Variants in SRD5A1 observed in about 807,000 individuals in gnomAD.
The protein encoded by SRD5A1 is steroid 5 alpha-reductase 1.
SRD5A1 carries 22 observed loss-of-function variants against 28.2 expected under a neutral mutation model. The ratio of observed to expected loss-of-function variants is 0.78; its 90% CI spans 0.56 to 1.12. The LOEUF (loss-of-function observed/expected upper bound fraction) is 1.12, where lower values mean the gene tolerates loss of function less well. SRD5A1 is among the 50% of genes most tolerant of loss of function. The pLI is 0.00. For missense variants in SRD5A1, 300 were observed against 346.7 expected, an observed-to-expected ratio of 0.87 and a Z score of 1.07; for synonymous variants, 151 against 135.0, an observed-to-expected ratio of 1.12 and a Z score of -0.82.
At chr5:6,659,068 G>A (rs1053860169) in intron 3 of SRD5A1, among the ~76,000 whole-genome samples, 5 of 150,738 alleles carry the variant, frequency 3.3e-5, no homozygotes, top group East Asian at 2.0e-4. Flanking sequence ...AGTGAGCCTC[G>A]ATCATACCAC....
At chr5:6,655,134 C>T (rs568509) in intron 2 of SRD5A1, among the ~76,000 whole-genome samples, 1 of 152,110 alleles carries the variant, frequency 6.6e-6, no homozygotes, top group East Asian at 1.9e-4. Flanking sequence ...AAAAAGTATT[C>T]AATGTCACTG....
intron 1 of SRD5A1, among the ~76,000 whole-genome samples, chr5:6,644,471 C>T (rs8192176): frequency 1.3e-5 from 2 of 152,190 alleles, no homozygotes; most frequent in African/African-American, 2.4e-5. Flanking sequence ...GGCCGTAACT[C>T]TCAGGGAAGT....
Position 6,674,066 on chromosome 5 carries a change from TGAA to T in SRD5A1, c.*5802_*5804del, listed in dbSNP as rs370688335. The T allele has an allele frequency of 2.2e-3, 340 of 151,992 alleles. 2 individuals carry two copies. Among genetic ancestry groups the T allele is most frequent in the African/African-American group, 7.6e-3 (316 of 41,454 alleles). The allele number at this position is 151,992 out of a possible 1,614,324, so 9.4% of individuals were successfully genotyped here. ...TTCAAAACACATAGAATATACAACA[TGAA>T]GAATGAATGCTAATGTAAACTCTGG... On this transcript the variant is annotated 3_prime_UTR_variant, in exon 5 of 5. Transcript: ENST00000274192.
At chr5:6,651,519 G>A (rs966306245) in intron 1 of SRD5A1, among the ~76,000 whole-genome samples, 7 of 152,000 alleles carry the variant, frequency 4.6e-5, no homozygotes, top group Non-Finnish European at 7.4e-5. Context: ...ATAATAATAA[G>A]TGTGGTGGCA....
chr5:6,661,845 A>T (rs964128700), intron 3 of SRD5A1, among the ~76,000 whole-genome samples: 31 of 151,912 alleles, frequency 2.0e-4, no homozygotes, highest in African/African-American at 5.3e-4. Context: ...ATTTTTTTTT[A>T]AAAAAAGCTC....
Position 6,633,560 on chromosome 5 carries a change from GC to G in SRD5A1, c.-16del. The G allele has an allele frequency of 1.3e-6, 2 of 1,491,794 alleles. No homozygotes were observed. The allele number at this position is 1,491,794 out of a possible 1,614,324, so 92.4% of individuals were successfully genotyped here. On this transcript the variant is annotated 5_prime_UTR_variant, in exon 1 of 5. Coordinates refer to ENST00000274192, the MANE Select transcript of SRD5A1 (RefSeq NM_001047.4). The stretch of plus-strand genomic sequence containing the variant: ...CCGCGGCCTCTGGGGCATGGAGCAC[GC>G]TGCCCAGCCCTGGCGATGGCAACGG...
At chr5:6,658,735 A>T (rs1315347796) in intron 3 of SRD5A1, among the ~76,000 whole-genome samples, 1 of 152,096 alleles carries the variant, frequency 6.6e-6, no homozygotes, top group African/African-American at 2.4e-5. Context: ...ATCAGACAAG[A>T]TCAAAATTCT....
At chr5:6,641,002 G>A (rs1035349367) in intron 1 of SRD5A1, among the ~76,000 whole-genome samples, 1 of 152,192 alleles carries the variant, frequency 6.6e-6, no homozygotes, top group African/African-American at 2.4e-5. Flanking sequence ...GGGTGATTTT[G>A]GGTGCGAATG....
chr5:6,649,689 A>G (rs907674634), intron 1 of SRD5A1, among the ~76,000 whole-genome samples: 1 of 152,178 alleles, frequency 6.6e-6, no homozygotes, highest in African/African-American at 2.4e-5. Context: ...AGGAAAGGGA[A>G]ATCCCTTGAC....
At chr5:6,657,927 G>A (rs1247507434) in intron 3 of SRD5A1, among the ~76,000 whole-genome samples, 1 of 152,208 alleles carries the variant, frequency 6.6e-6, no homozygotes. Flanking sequence ...AATCTGTGCA[G>A]TCATAACATT....
chr5:6,661,164 A>G (rs760085753), intron 3 of SRD5A1, among the ~76,000 whole-genome samples: 3 of 152,196 alleles, frequency 2.0e-5, no homozygotes, highest in African/African-American at 4.8e-5. Flanking sequence ...GCAAACGTCT[A>G]CATACCCCAC....
chr5:6,667,192 G>A (rs887256716), intron 4 of SRD5A1, among the ~76,000 whole-genome samples: 2 of 152,252 alleles, frequency 1.3e-5, no homozygotes, highest in Admixed American at 1.3e-4. Flanking sequence ...ACTGAGCCAC[G>A]TAGCTGGAAA....
At chr5:6,665,714 T>C in intron 4 of SRD5A1, among the ~76,000 whole-genome samples, 1 of 150,400 alleles carries the variant, frequency 6.6e-6, no homozygotes, top group East Asian at 2.0e-4. Context: ...CGGATCAGAG[T>C]AAGATTGAAC....
At position 6,671,377 on chromosome 5, in the gene SRD5A1, T is replaced by C. The variant is rs531369899; in HGVS notation, c.*3109T>C. ...TGTTTGTTTTTTTCTTACTGATTTG[T>C]TTGAGTTTGTTGTAGATTCTGGATA... On this transcript the variant is annotated 3_prime_UTR_variant, in exon 5 of 5. Coordinates refer to ENST00000274192, the MANE Select transcript of SRD5A1 (RefSeq NM_001047.4). 53 of 152,046 alleles carry C rather than the reference T, an allele frequency of 3.5e-4. No individual in the cohort carries two copies. The highest frequency in any genetic ancestry group is 4.9e-4 in the Non-Finnish European group (33 of 68,012). 9.4% of individuals were successfully genotyped at this position (152,046 alleles called of 1,614,324 possible).
chr5:6,668,340 G>T lies in SRD5A1; in HGVS notation c.*72G>T. 4.3e-6 allele frequency: 4 copies of T among 922,324 alleles called. No individual in the cohort carries two copies. Among genetic ancestry groups the T allele is most frequent in the Admixed American group, 2.7e-5 (1 of 37,008 alleles). The allele number at this position is 922,324 out of a possible 1,614,324, so 57.1% of individuals were successfully genotyped here. A position where few individuals can be genotyped will look rare whatever the true frequency, so the allele number is the denominator to read the frequency against. ...GCTTCTCTATGGACTTTGTAAATAA[G>T]TTATATCTTTGTAATTTTCCTGCTA... On this transcript the variant is annotated 3_prime_UTR_variant, in exon 5 of 5. Coordinates refer to ENST00000274192, the MANE Select transcript of SRD5A1 (RefSeq NM_001047.4).
rs183374457 is a variant in SRD5A1, at chr5:6,654,089, A to G, written c.461-1989A>G. On this transcript the variant is annotated intron_variant, in intron 2 of 4. Transcript: ENST00000274192. Reference sequence around the variant, plus strand: ...TTTTTTTTTGAGATGGAGTTTCTCTATCGCCCAGGCTGGAGTGCAGAGGTG... The same window carrying G: ...TTTTTTTTTGAGATGGAGTTTCTCTGTCGCCCAGGCTGGAGTGCAGAGGTG... Among the ~76,000 whole-genome samples, 467 of 152,118 alleles carry G rather than the reference A, an allele frequency of 3.1e-3. 1 individual carries two copies. The highest frequency in any genetic ancestry group is 5.6e-3 in the Admixed American group (85 of 15,262).
intron 2 of SRD5A1, among the ~76,000 whole-genome samples, chr5:6,654,215 A>C (rs1018145925): frequency 6.6e-6 from 1 of 151,676 alleles, no homozygotes; most frequent in Non-Finnish European, 1.5e-5. Flanking sequence ...ACTATGCCCA[A>C]CTAATTTTTT....
rs754916000 is a variant in SRD5A1 at position 6,633,816 on chromosome 5, C to T, written c.240C>T (p.Arg80=). The change falls in exon 1 of 5, where the codon CGC becomes CGT. Residue 80 remains arginine, a synonymous_variant. Transcript: ENST00000274192. The part of the protein sequence containing the change: ...QYASESAPRL[R]SAPNCILLAM... ...CCAGCGAGTCCGCCCCGCGTCTCCG[C>T]AGCGCGCCCAACTGCATCCTCCTGG... is the stretch of plus-strand genomic sequence containing the variant. 2.8e-5 allele frequency: 45 copies of T among 1,597,830 alleles called. 2 individuals are homozygous for T. In the East Asian group the frequency reaches 9.8e-4, roughly 35 times the overall value.
intron 1 of SRD5A1, among the ~76,000 whole-genome samples, chr5:6,645,833 T>A (rs1738492830): frequency 6.6e-6 from 1 of 152,104 alleles, no homozygotes; most frequent in South Asian, 2.1e-4. Context: ...AGTTTCACAA[T>A]CTATTTTTTT....
Sources: gnomAD v4.1 joint callset for allele counts (sites outside exome capture counted in the v4.1 genomes callset) on GRCh38, gnomAD v4.1.1 for gene constraint, MANE v1.5 for transcripts, NCBI Gene and HGNC (gene_info 2026-07-23, HGNC 2026-07-21) for gene names.